NPHP4: variants seen among roughly 807,000 people sequenced by gnomAD.
NPHP4 encodes nephrocystin 4, also known as nephrocystin-4.
Under a neutral mutation model 155.8 loss-of-function variants are expected in NPHP4, and 151 were observed. That is an observed-to-expected ratio of 0.97 (90% CI 0.85 to 1.11). NPHP4 has a LOEUF of 1.11. Ranked by LOEUF, NPHP4 falls within the 50% of genes least tolerant of loss-of-function variation. The pLI is 0.00. For synonymous variants in NPHP4, 845 were observed against 816.8 expected (o/e 1.03, Z -0.59); for missense variants, 1,956 against 1,925.7 (o/e 1.02, Z -0.29).
intron 16 of NPHP4, among the ~76,000 whole-genome samples, chr1:5,891,520 G>A (rs1394805215): frequency 6.6e-6 from 1 of 152,154 alleles, no homozygotes; most frequent in Non-Finnish European, 1.5e-5. Flanking sequence ...TGGGTATCCC[G>A]GGCTCCTCCC....
At chr1:5,916,810 G>A (rs1645496477) in intron 11 of NPHP4, among the ~76,000 whole-genome samples, 1 of 152,210 alleles carries the variant, frequency 6.6e-6, no homozygotes, top group Non-Finnish European at 1.5e-5. Flanking sequence ...GAGTTCAAGA[G>A]CAGCCTGGCC....
chr1:5,964,941 A>ATATATATATATTTTTT, intron 5 of NPHP4, among the ~76,000 whole-genome samples: 1 of 59,414 alleles, frequency 1.7e-5, no homozygotes, highest in African/African-American at 8.5e-5. Context: ...ATATATATAT[A>ATATATATATATTTTTT]TTTTTTTTTT....
chr1:5,870,990 C>T (rs1217240778), intron 23 of NPHP4, among the ~76,000 whole-genome samples: 2 of 152,208 alleles, frequency 1.3e-5, no homozygotes, highest in Admixed American at 6.5e-5. Flanking sequence ...AGCGTCAGTT[C>T]CCTAATTTTC....
chr1:5,929,256 T>C (rs1233866529), intron 10 of NPHP4, among the ~76,000 whole-genome samples: 1 of 152,186 alleles, frequency 6.6e-6, no homozygotes, highest in Non-Finnish European at 1.5e-5. Context: ...AAGGACAGTT[T>C]TGTTTCTTCC....
chr1:5,954,330 G>C (rs1250329692), intron 6 of NPHP4, among the ~76,000 whole-genome samples: 1 of 152,168 alleles, frequency 6.6e-6, no homozygotes, highest in East Asian at 1.9e-4. Flanking sequence ...TCGTAATATT[G>C]TAAGTGAAAA....
chr1:5,938,437 C>T (rs907725828), intron 9 of NPHP4, among the ~76,000 whole-genome samples: 4 of 152,192 alleles, frequency 2.6e-5, no homozygotes, highest in African/African-American at 9.7e-5. Flanking sequence ...CGGAGGTTCA[C>T]AAGCCAGATG....
intron 16 of NPHP4, among the ~76,000 whole-genome samples, chr1:5,895,212 T>C (rs1209154267): frequency 2.0e-5 from 3 of 152,002 alleles, no homozygotes; most frequent in Non-Finnish European, 2.9e-5. Context: ...GGGATAGCAT[T>C]AGGAGATATA....
At chr1:5,949,308 G>T (rs568707497) in intron 7 of NPHP4, among the ~76,000 whole-genome samples, 1 of 137,764 alleles carries the variant, frequency 7.3e-6, no homozygotes, top group Non-Finnish European at 1.6e-5. Context: ...TCAAGAACGG[G>T]TAGGGAGCAA....
At chr1:5,866,959 G>C in intron 25 of NPHP4, 71 bp downstream of exon 25, 1 of 1,170,456 alleles carries the variant, frequency 8.5e-7, no homozygotes. Flanking sequence ...CAGGATACCC[G>C]TGGGGAAGCC....
intron 11 of NPHP4, among the ~76,000 whole-genome samples, chr1:5,913,352 A>T (rs1645289153): frequency 6.6e-6 from 1 of 152,152 alleles, no homozygotes; most frequent in Admixed American, 6.5e-5. Flanking sequence ...GTCCACATGG[A>T]TTGCTAGAGA....
At chr1:5,960,330 T>C (rs536198619) in intron 6 of NPHP4, among the ~76,000 whole-genome samples, 1 of 152,294 alleles carries the variant, frequency 6.6e-6, no homozygotes, top group East Asian at 1.9e-4. Context: ...TTCACAATGA[T>C]GATGTCCACC....
At chr1:5,953,101 C>CTTGT (rs56332295) in intron 6 of NPHP4, among the ~76,000 whole-genome samples, 1 of 151,712 alleles carries the variant, frequency 6.6e-6, no homozygotes, top group Admixed American at 6.6e-5. Flanking sequence ...TGTTTTTCTG[C>CTTGT]TTGTTTGTTT....
intron 16 of NPHP4, among the ~76,000 whole-genome samples, chr1:5,904,371 T>G (rs1042483315): frequency 2.6e-5 from 4 of 152,242 alleles, no homozygotes; most frequent in African/African-American, 7.2e-5. Flanking sequence ...TAAGGAAATA[T>G]TCATACATGA....
chr1:5,964,917 TTATATA>T (rs4068402), intron 5 of NPHP4, among the ~76,000 whole-genome samples: 31 of 82,582 alleles, frequency 3.8e-4, no homozygotes, highest in East Asian at 1.2e-3. Context: ...TACATATATA[TTATATA>T]TATATATATA....
At chr1:5,954,419 T>C (rs1163538336) in intron 6 of NPHP4, among the ~76,000 whole-genome samples, 1 of 152,230 alleles carries the variant, frequency 6.6e-6, no homozygotes, top group Non-Finnish European at 1.5e-5. Context: ...CATGTATACA[T>C]GTGGATCTGC....
At chr1:5,891,526 C>G (rs1309712388) in intron 16 of NPHP4, among the ~76,000 whole-genome samples, 1 of 152,228 alleles carries the variant, frequency 6.6e-6, no homozygotes, top group African/African-American at 2.4e-5. Flanking sequence ...TCCCGGGCTC[C>G]TCCCGTGCGG....
At chr1:5,870,299 A>G (rs1378896067) in intron 23 of NPHP4, among the ~76,000 whole-genome samples, 1 of 152,242 alleles carries the variant, frequency 6.6e-6, no homozygotes, top group African/African-American at 2.4e-5. Flanking sequence ...TCAGGGCACG[A>G]ATATGAGCAA....
At chr1:5,975,929 C>T (rs1653479413) in intron 3 of NPHP4, among the ~76,000 whole-genome samples, 1 of 152,222 alleles carries the variant, frequency 6.6e-6, no homozygotes, top group Non-Finnish European at 1.5e-5. Flanking sequence ...GCCCCCGCTT[C>T]TGGCCTGCGC....
chr1:5,899,106 G>A (rs376918497), intron 16 of NPHP4, among the ~76,000 whole-genome samples: 8 of 152,206 alleles, frequency 5.3e-5, no homozygotes, highest in African/African-American at 1.4e-4. Context: ...GGCGCAGCAC[G>A]AGGGAAACCT....
Sources: gnomAD v4.1 joint callset for allele counts (sites outside exome capture counted in the v4.1 genomes callset) on GRCh38, gnomAD v4.1.1 for gene constraint, MANE v1.5 for transcripts, NCBI Gene and HGNC (gene_info 2026-07-23, HGNC 2026-07-21) for gene names.